The following LPCAT3 variants were observed in gnomAD, a reference collection of about 807,000 sequenced individuals.
LPCAT3 encodes the protein lysophosphatidylcholine acyltransferase 3, also known as lysophospholipid acyltransferase 5.
In LPCAT3, 21 loss-of-function variants were observed where a neutral mutation model predicts 63.4. The ratio of observed to expected loss-of-function variants is 0.33; its 90% CI spans 0.23 to 0.48. The LOEUF (loss-of-function observed/expected upper bound fraction) is 0.48, where lower values mean the gene tolerates loss of function less well. Among genes scored for constraint, LPCAT3 ranks in the 20% least tolerant of loss-of-function variants. The pLI, the probability that LPCAT3 is intolerant of heterozygous loss-of-function variation, is 0.99. For missense variants in LPCAT3, 451 were observed against 590.6 expected, an observed-to-expected ratio of 0.76 and a Z score of 2.45; for synonymous variants, 242 against 227.5, an observed-to-expected ratio of 1.06 and a Z score of -0.58.
intron 1 of LPCAT3, among the ~76,000 whole-genome samples, chr12:7,014,253 C>T (rs1302188936): frequency 1.3e-5 from 2 of 152,226 alleles, no homozygotes; most frequent in African/African-American, 4.8e-5. Context: ...GCTCCTGACT[C>T]ATACTACACC....
intron 1 of LPCAT3, among the ~76,000 whole-genome samples, chr12:7,005,448 G>A (rs1946719709): frequency 6.6e-6 from 1 of 152,230 alleles, no homozygotes; most frequent in Non-Finnish European, 1.5e-5. Flanking sequence ...GTTCCCTTGG[G>A]TGTAACCCTA....
In LPCAT3 at chr12:6,995,413, G is replaced by A. The variant is rs142178080; in HGVS notation, c.152-11874C>T. Among the ~76,000 whole-genome samples, 585 of 151,738 alleles carry A rather than the reference G, an allele frequency of 3.9e-3. 2 individuals are homozygous for A. The highest frequency in any genetic ancestry group is 0.013 in the African/African-American group (556 of 41,358). On this transcript the variant is annotated intron_variant, in intron 1 of 12. Coordinates refer to ENST00000261407, the MANE Select transcript of LPCAT3 (RefSeq NM_005768.6). ...CGCTTGAACCCAGGAGGCGGAGGTTGCAGTGAGCTGAGATCGTCTCACTGT... is the reference window on the plus strand; with the variant it reads ...CGCTTGAACCCAGGAGGCGGAGGTTACAGTGAGCTGAGATCGTCTCACTGT...
At chr12:6,994,781 A>G (rs1441724913) in intron 1 of LPCAT3, among the ~76,000 whole-genome samples, 11 of 152,280 alleles carry the variant, frequency 7.2e-5, no homozygotes, top group Admixed American at 5.9e-4. Flanking sequence ...TTCTGTGCTT[A>G]CTTCTGGCAT....
chr12:7,015,926 C>T (rs1946795007), intron 1 of LPCAT3, among the ~76,000 whole-genome samples: 1 of 152,082 alleles, frequency 6.6e-6, no homozygotes, highest in South Asian at 2.1e-4. Context: ...GTGATTATGT[C>T]AACAAACAAA....
At chr12:7,011,978 G>T (rs1371453637) in intron 1 of LPCAT3, among the ~76,000 whole-genome samples, 1 of 152,144 alleles carries the variant, frequency 6.6e-6, no homozygotes, top group Non-Finnish European at 1.5e-5. Flanking sequence ...CTGAATAATG[G>T]ATTTTTTTCT....
Position 6,982,737 on chromosome 12 carries a change from A to G in LPCAT3, c.305T>C (p.Leu102Pro). Reference sequence around the variant, plus strand: ...GGTGCGGCCCATTAGTCGAAGGATGAGGAACTGAAGCACAATACACAGCAG... The same window carrying G: ...GGTGCGGCCCATTAGTCGAAGGATGGGGAACTGAAGCACAATACACAGCAG... ...HSLLCIVLQF[L>P]ILRLMGRTIT... The change falls in exon 3 of 13, where the codon CTC becomes CCC. Residue 102 changes from leucine (L) to proline (P), a missense_variant. By Grantham distance (98) the Leu-to-Pro change is moderately conservative. Coordinates refer to ENST00000261407, the MANE Select transcript of LPCAT3 (RefSeq NM_005768.6). The G allele has an allele frequency of 6.2e-7, 1 of 1,614,076 alleles. No individual in the cohort carries two copies. The highest frequency in any genetic ancestry group is 8.5e-7 in the Non-Finnish European group (1 of 1,179,924).
intron 1 of LPCAT3, among the ~76,000 whole-genome samples, chr12:7,014,335 G>T (rs1199035568): frequency 6.6e-6 from 1 of 152,156 alleles, no homozygotes; most frequent in African/African-American, 2.4e-5. Flanking sequence ...GAATTTATAT[G>T]AGCAATTCAT....
chr12:6,990,210 A>G (rs782339081), intron 1 of LPCAT3, among the ~76,000 whole-genome samples: 50 of 149,284 alleles, frequency 3.3e-4, no homozygotes, highest in Non-Finnish European at 6.6e-4. Context: ...ATAAATAAAT[A>G]AAAATAAAAA....
At chr12:6,988,181 G>GA (rs1398144747) in intron 1 of LPCAT3, 2 of 187,350 alleles carry the variant, frequency 1.1e-5, no homozygotes, top group African/African-American at 2.3e-5. Context: ...CGTTTTGCAG[G>GA]AGGGGACGTT....
In LPCAT3 at chr12:6,977,133, C is replaced by G; in HGVS notation, c.*12+1G>C. 2.0e-6 allele frequency: 3 copies of G among 1,534,490 alleles called. No homozygotes were observed. Among genetic ancestry groups the G allele is most frequent in the Non-Finnish European group, 2.7e-6 (3 of 1,120,710 alleles). On this transcript the variant is annotated splice_donor_variant, in intron 12 of 12. Coordinates refer to ENST00000261407, the MANE Select transcript of LPCAT3 (RefSeq NM_005768.6). LOFTEE classifies it low-confidence loss of function (3UTR_SPLICE). The surrounding 1 kb of genome is among the most constrained non-coding windows in gnomAD (Gnocchi z 4.5). Reference sequence around the variant, plus strand: ...GTTTTAGTTTAGCTGTATTAACTTACCAGGGAAATGGATTATTCCATCTTC... The same window carrying G: ...GTTTTAGTTTAGCTGTATTAACTTAGCAGGGAAATGGATTATTCCATCTTC...
In LPCAT3 at chr12:6,991,972, A is replaced by C. The variant is rs1946593861; in HGVS notation, c.152-8433T>G. ...TCTGGGAGGCCAAGACGGGTAGATC[A>C]CTTTAGGTCAGGAGTTCCAGACCAG... On this transcript the variant is annotated intron_variant, in intron 1 of 12. Coordinates refer to ENST00000261407, the MANE Select transcript of LPCAT3 (RefSeq NM_005768.6). 3.3e-5 allele frequency among the ~76,000 whole-genome samples: 5 copies of C among 152,088 alleles called. No homozygotes were observed. The South Asian group carries it at 1.0e-3, about 32-fold the overall frequency.
intron 1 of LPCAT3, among the ~76,000 whole-genome samples, chr12:6,986,726 T>C (rs1946529537): frequency 7.3e-6 from 1 of 137,916 alleles, no homozygotes; most frequent in Admixed American, 8.4e-5. Flanking sequence ...GAGGTTGCAG[T>C]GAGCAGAGAT....
chr12:7,010,863 G>T (rs1330502493), intron 1 of LPCAT3, among the ~76,000 whole-genome samples: 1 of 152,130 alleles, frequency 6.6e-6, no homozygotes, highest in Non-Finnish European at 1.5e-5. Context: ...TTAGAGATGA[G>T]GTCTCCTTCT....
intron 1 of LPCAT3, among the ~76,000 whole-genome samples, chr12:7,014,332 T>G (rs147992839): frequency 2.6e-5 from 4 of 152,320 alleles, no homozygotes; most frequent in African/African-American, 7.2e-5. Flanking sequence ...ACTGAATTTA[T>G]ATGAGCAATT....
chr12:7,001,016 G>A (rs1455891522), intron 1 of LPCAT3, among the ~76,000 whole-genome samples: 3 of 152,096 alleles, frequency 2.0e-5, no homozygotes, highest in Non-Finnish European at 4.4e-5. Context: ...CGAAAATTGA[G>A]TATTCTTTTA....
chr12:7,012,969 T>G (rs191773434), intron 1 of LPCAT3, among the ~76,000 whole-genome samples: 2 of 152,352 alleles, frequency 1.3e-5, no homozygotes, highest in East Asian at 3.9e-4. Flanking sequence ...ATCGAGCCTT[T>G]TCTACAAGCC....
chr12:6,995,238 G>A (rs912293503), intron 1 of LPCAT3, among the ~76,000 whole-genome samples: 2 of 151,940 alleles, frequency 1.3e-5, no homozygotes, highest in African/African-American at 4.8e-5. Context: ...CACTTTGGGA[G>A]GCCAAGGCAG....
chr12:6,979,829 GT>G, intron 6 of LPCAT3: 1 of 512,302 alleles, frequency 2.0e-6, no homozygotes, highest in East Asian at 3.3e-5. Context: ...CCAGTCTTGT[GT>G]TTACCCCTCA....
rs1946542810 is a variant in LPCAT3, at chr12:6,987,736, A to ATAT, written c.152-4200_152-4198dup. ...TGCTCGAAATTAAAAAACACCACACATATTACTCTGCCTCTTTAAGTTGAA... is the reference window on the plus strand; with the variant it reads ...TGCTCGAAATTAAAAAACACCACACATATTATTACTCTGCCTCTTTAAGTTGAA... On this transcript the variant is annotated intron_variant, in intron 1 of 12. Coordinates refer to ENST00000261407, the MANE Select transcript of LPCAT3 (RefSeq NM_005768.6). The surrounding 1 kb of genome is among the most constrained non-coding windows in gnomAD (Gnocchi z 4.1). The ATAT allele has an allele frequency of 2.5e-6, 1 of 400,546 alleles. No individual in the cohort carries two copies. The highest frequency in any genetic ancestry group is 4.4e-5 in the Admixed American group (1 of 22,746). 24.8% of individuals were successfully genotyped at this position (400,546 alleles called of 1,614,324 possible). A position where few individuals can be genotyped will look rare whatever the true frequency, so the allele number is the denominator to read the frequency against.
Sources: allele counts gnomAD v4.1 joint callset (sites outside exome capture counted in the v4.1 genomes callset), GRCh38; gene constraint gnomAD v4.1.1; non-coding constraint Gnocchi (gnomAD v3.1); transcripts MANE v1.5; gene names NCBI Gene and HGNC (gene_info 2026-07-23, HGNC 2026-07-21).